PMFBP1: variants seen among roughly 807,000 people sequenced by gnomAD.
The protein encoded by PMFBP1 is polyamine modulated factor 1 binding protein 1.
Under a neutral mutation model 137.8 loss-of-function variants are expected in PMFBP1, and 131 were observed. The ratio of observed to expected loss-of-function variants is 0.95; its 90% CI spans 0.82 to 1.10. The LOEUF (loss-of-function observed/expected upper bound fraction) is 1.10, where lower values mean the gene tolerates loss of function less well. PMFBP1 is among the 50% of genes least tolerant of loss of function. The probability of loss-of-function intolerance (pLI) is 0.00; values close to 1 mark genes in which losing one functional copy is unlikely to be tolerated. For missense variants in PMFBP1, 1,199 were observed against 1,175.4 expected (o/e 1.02, Z -0.29); for synonymous variants, 490 against 450.4 (o/e 1.09, Z -1.11).
chr16:72,133,731 T>C (rs2042583181), intron 9 of PMFBP1, among the ~76,000 whole-genome samples: 3 of 152,130 alleles, frequency 2.0e-5, no homozygotes, highest in Non-Finnish European at 4.4e-5. Flanking sequence ...ATTGTCACTT[T>C]AAGTAATAAT....
In PMFBP1 at chr16:72,170,793, A is replaced by G. The variant is rs376319870; in HGVS notation, c.12+404T>C. Among the ~76,000 whole-genome samples the G allele has an allele frequency of 2.6e-5, 4 of 152,224 alleles. No individual in the cohort carries two copies. The East Asian group carries it at 5.8e-4, about 22-fold the overall frequency. ...AGACACTCCATTTTCATATCATTCC[A>G]GATAAAGAGAGAATGTTAGCAACAA... is the stretch of plus-strand genomic sequence containing the variant. On this transcript the variant is annotated intron_variant, in intron 2 of 20. Transcript: ENST00000237353.
At chr16:72,119,750 G>T in intron 20 of PMFBP1, 101 bp downstream of exon 20, 1 of 1,538,348 alleles carries the variant, frequency 6.5e-7, no homozygotes. Context: ...AAAATGACTT[G>T]AGGCCACAAA....
Position 72,130,530 on chromosome 16 carries a change from C to G in PMFBP1, c.1637+3G>C. ...CTCTGGAGGGGAGCCTGAGCCTGGG[C>G]ACCTGTTGGAGGTTTGTTCCTTCTC... On this transcript the variant is annotated splice_donor_region_variant and intron_variant, in intron 11 of 20. Transcript: ENST00000237353. 6.2e-7 allele frequency: 1 copy of G among 1,613,952 alleles called. No individual in the cohort carries two copies. The highest frequency in any genetic ancestry group is 8.5e-7 in the Non-Finnish European group (1 of 1,179,892).
the PMFBP1 span, among the ~76,000 whole-genome samples, chr16:72,239,367 G>T: frequency 6.6e-6 from 1 of 152,056 alleles, no homozygotes; most frequent in East Asian, 1.9e-4. Context: ...TTTTGTTAAG[G>T]CTTTTTACAT....
chr16:72,139,504 G>T, intron 6 of PMFBP1, 105 bp from the exon 7 acceptor site: 1 of 914,130 alleles, frequency 1.1e-6, no homozygotes, highest in Non-Finnish European at 1.7e-6. Flanking sequence ...GTTTGTTGCA[G>T]AATTATACAA....
In PMFBP1 at chr16:72,130,235, A is replaced by G. The variant is rs1159489937; in HGVS notation, c.1760T>C (p.Met587Thr). 1.9e-6 allele frequency: 3 copies of G among 1,613,760 alleles called. No homozygotes were observed. Among genetic ancestry groups the G allele is most frequent in the Non-Finnish European group, 8.5e-7 (1 of 1,180,028 alleles). The change falls in exon 12 of 21, where the codon ATG becomes ACG. Residue 587 changes from methionine to threonine, a missense_variant. By Grantham distance (81) the Met-to-Thr change is moderately conservative. Coordinates refer to ENST00000237353, the MANE Select transcript of PMFBP1 (RefSeq NM_031293.3). ...VAEQDMKMNDMLDRIKHQHRE... is the reference protein window; with the variant it reads ...VAEQDMKMNDTLDRIKHQHRE... ...TACCTGGTGCTTGATACGATCAAGC[A>G]TGTCATTCATTTTCATATCCTGCTC...
At chr16:72,225,839 A>T in the PMFBP1 span, among the ~76,000 whole-genome samples, 13 of 151,596 alleles carry the variant, frequency 8.6e-5, no homozygotes, top group Admixed American at 6.6e-4. Context: ...ACATTTGAAG[A>T]AATCAATCTA....
At chr16:72,147,100 A>G (rs1490724988) in intron 5 of PMFBP1, among the ~76,000 whole-genome samples, 7 of 152,258 alleles carry the variant, frequency 4.6e-5, no homozygotes, top group African/African-American at 1.7e-4. Context: ...AGCTGGAGGC[A>G]TCATGCTGCC....
intron 1 of PMFBP1, chr16:72,171,519 C>T: frequency 2.6e-6 from 1 of 383,884 alleles, no homozygotes; most frequent in South Asian, 4.4e-5. Context: ...CTGAATTTAC[C>T]CTTCTTGGAA....
At chr16:72,143,934 G>A (rs200825579) in intron 5 of PMFBP1, among the ~76,000 whole-genome samples, 3 of 152,012 alleles carry the variant, frequency 2.0e-5, no homozygotes, top group Non-Finnish European at 4.4e-5. Flanking sequence ...CCAGCTACTC[G>A]GGAGGCTGAG....
rs752235146 is a variant in PMFBP1 at position 72,150,689 on chromosome 16, G to GTA, written c.553_554dup (p.Gln186ThrfsTer5). 1 of 1,614,144 alleles carries GTA rather than the reference G, an allele frequency of 6.2e-7. No individual in the cohort carries two copies. The highest frequency in any genetic ancestry group is 8.5e-7 in the Non-Finnish European group (1 of 1,180,032). The stretch of plus-strand genomic sequence containing the variant: ...ACTCGATGTTGCTCAGGGAAGACTG[G>GTA]TATTTATCCCTGTAGAGGTTTAAGC... On this transcript the variant is annotated frameshift_variant, in exon 5 of 21. Transcript: ENST00000237353. LOFTEE classifies it high-confidence loss of function.
upstream of PMFBP1, among the ~76,000 whole-genome samples, chr16:72,180,571 C>T (rs1451371398): frequency 3.3e-5 from 5 of 152,094 alleles, no homozygotes; most frequent in East Asian, 1.9e-4. Context: ...AATTCATCCA[C>T]GCCCTTTCTA....
At chr16:72,227,768 C>T in the PMFBP1 span, among the ~76,000 whole-genome samples, 1 of 152,158 alleles carries the variant, frequency 6.6e-6, no homozygotes, top group Non-Finnish European at 1.5e-5. Context: ...TCAGTCCTCA[C>T]ATCTGCAAAA....
At chr16:72,211,924 G>A in the PMFBP1 span, among the ~76,000 whole-genome samples, 2 of 152,274 alleles carry the variant, frequency 1.3e-5, no homozygotes, top group East Asian at 3.9e-4. Context: ...TTGAGCCTGG[G>A]AGGCAGAGGT....
chr16:72,225,630 T>C, the PMFBP1 span, among the ~76,000 whole-genome samples: 1 of 151,464 alleles, frequency 6.6e-6, no homozygotes, highest in South Asian at 2.1e-4. Flanking sequence ...GGAGGATCAC[T>C]TGAACCTGGG....
At chr16:72,246,726 T>G in the PMFBP1 span, among the ~76,000 whole-genome samples, 1 of 152,036 alleles carries the variant, frequency 6.6e-6, no homozygotes, top group East Asian at 1.9e-4. Flanking sequence ...TATTATTCTC[T>G]CTCCCCTTCT....
At chr16:72,194,234 C>T in the PMFBP1 span, among the ~76,000 whole-genome samples, 1 of 152,166 alleles carries the variant, frequency 6.6e-6, no homozygotes, top group African/African-American at 2.4e-5. Flanking sequence ...ATTATCTATG[C>T]TCCCTTTCTT....
upstream of PMFBP1, among the ~76,000 whole-genome samples, chr16:72,173,228 C>T (rs2043237177): frequency 6.6e-6 from 1 of 152,214 alleles, no homozygotes; most frequent in Non-Finnish European, 1.5e-5. Context: ...CAGTGCTCTA[C>T]CACGATGGAC....
chr16:72,190,708 A>G, the PMFBP1 span, among the ~76,000 whole-genome samples: 1 of 152,110 alleles, frequency 6.6e-6, no homozygotes, highest in Non-Finnish European at 1.5e-5. Flanking sequence ...AGACCAGATG[A>G]AGAAGACTGA....
Sources: gnomAD v4.1 joint callset for allele counts (sites outside exome capture counted in the v4.1 genomes callset) on GRCh38, gnomAD v4.1.1 for gene constraint, MANE v1.5 for transcripts, NCBI Gene and HGNC (gene_info 2026-07-23, HGNC 2026-07-21) for gene names.